Variants in SYNE1 observed in about 807,000 individuals in gnomAD.
SYNE1 encodes nesprin-1.
A neutral mutation model predicts 1,111.0 loss-of-function variants in SYNE1; 616 were observed. That is an observed-to-expected ratio of 0.55 (90% confidence interval 0.52 to 0.59). The LOEUF (loss-of-function observed/expected upper bound fraction) is 0.59. Ranked by LOEUF, SYNE1 falls within the 20% of genes least tolerant of loss-of-function variation. SYNE1 has a pLI of 0.00. For synonymous variants in SYNE1, 3,855 were observed against 3,825.8 expected (o/e 1.01, Z -0.28); for missense variants, 10,006 against 10,417.0 (o/e 0.96, Z 1.72).
chr6:152,213,349 C>G (rs1175583841), intron 123 of SYNE1, among the ~76,000 whole-genome samples: 1 of 152,104 alleles, frequency 6.6e-6, no homozygotes, highest in Non-Finnish European at 1.5e-5. Flanking sequence ...GAGTAAGTAG[C>G]CTTTAACCAC....
chr6:152,245,262 G>C (rs2153574993), intron 105 of SYNE1, among the ~76,000 whole-genome samples: 1 of 152,352 alleles, frequency 6.6e-6, no homozygotes, highest in Middle Eastern at 3.4e-3. Context: ...CTGATGGTCT[G>C]GTTAGGAAGC....
At position 152,318,862 on chromosome 6, in the gene SYNE1, C is replaced by A. The variant is rs2153903151; in HGVS notation, c.16389+1G>T. On this transcript the variant is annotated splice_donor_variant, in intron 85 of 145. Coordinates refer to ENST00000367255, the MANE Select transcript of SYNE1 (RefSeq NM_182961.4). LOFTEE classifies it high-confidence loss of function. ...GTACCCTTTAAAATTCTACTTCTTA[C>A]CTTTTGGTCAGTTTTAGCTTGAACT... is the stretch of plus-strand genomic sequence containing the variant. The A allele has an allele frequency of 6.2e-7, 1 of 1,614,058 alleles. No individual in the cohort carries two copies. Among genetic ancestry groups the A allele is most frequent in the African/African-American group, 1.3e-5 (1 of 75,040 alleles).
intron 77 of SYNE1, among the ~76,000 whole-genome samples, chr6:152,333,740 C>A (rs1393362287): frequency 2.0e-5 from 3 of 152,120 alleles, no homozygotes; most frequent in African/African-American, 7.2e-5. Flanking sequence ...TCAATTGATT[C>A]TCCTGCCTCA....
At position 152,273,096 on chromosome 6, in the gene SYNE1, A is replaced by G. The variant is rs150541347; in HGVS notation, c.18574-3810T>C. On this transcript the variant is annotated intron_variant, in intron 98 of 145. Coordinates refer to ENST00000367255, the MANE Select transcript of SYNE1 (RefSeq NM_182961.4). ...TATAGATAGTTTAAAAATAAACAGTAACCAATTTCCATGTAGTAAAACACT... is the reference window on the plus strand; with the variant it reads ...TATAGATAGTTTAAAAATAAACAGTGACCAATTTCCATGTAGTAAAACACT... Among the ~76,000 whole-genome samples, 83 of 152,308 alleles carry G rather than the reference A, an allele frequency of 5.4e-4. 1 individual carries two copies. In the East Asian group the frequency reaches 0.015, roughly 27 times the overall value.
At chr6:152,294,917 T>C (rs1337192142) in intron 93 of SYNE1, among the ~76,000 whole-genome samples, 1 of 147,742 alleles carries the variant, frequency 6.8e-6, no homozygotes, top group African/African-American at 2.4e-5. Context: ...AGAAATTTAA[T>C]TGGGGGAGTA....
chr6:152,134,891 T>A (rs928416194), intron 142 of SYNE1: 13 of 572,516 alleles, frequency 2.3e-5, no homozygotes, highest in Non-Finnish European at 3.9e-5. Flanking sequence ...AACTTTAGAA[T>A]CAGATTCTAA....
Position 152,338,416 on chromosome 6 carries a change from G to A in SYNE1, c.12351+825C>T, listed in dbSNP as rs148934490. On this transcript the variant is annotated intron_variant, in intron 75 of 145. Transcript: ENST00000367255. ...GAGGGAGGATTGCTTGAGCCCAGGA[G>A]TTCGAGACCAGCCTGGGAAACACAG... Among the ~76,000 whole-genome samples, 963 of 152,120 alleles carry A rather than the reference G, an allele frequency of 6.3e-3. 11 individuals carry two copies. Among genetic ancestry groups the A allele is most frequent in the African/African-American group, 0.022 (911 of 41,476 alleles).
At chr6:152,231,941 A>G (rs1189267877) in intron 113 of SYNE1, among the ~76,000 whole-genome samples, 175 bp downstream of exon 113, 1 of 152,022 alleles carries the variant, frequency 6.6e-6, no homozygotes, top group Non-Finnish European at 1.5e-5. Flanking sequence ...AGTACTGGAT[A>G]TTTCTTCTTA....
intron 127 of SYNE1, among the ~76,000 whole-genome samples, chr6:152,196,837 C>T (rs2074250817): frequency 6.6e-6 from 1 of 152,094 alleles, no homozygotes; most frequent in South Asian, 2.1e-4. Context: ...CCCAGTACTG[C>T]ACTAGGACCC....
intron 93 of SYNE1, among the ~76,000 whole-genome samples, chr6:152,299,851 G>A (rs2095080186): frequency 6.6e-6 from 1 of 151,772 alleles, no homozygotes; most frequent in Non-Finnish European, 1.5e-5. Flanking sequence ...CAACTTCTTT[G>A]AAAAAATGTA....
chr6:152,427,610 T>G (rs770305092), intron 38 of SYNE1, 83 bp downstream of exon 38: 2 of 1,517,052 alleles, frequency 1.3e-6, no homozygotes, highest in South Asian at 2.3e-5. Flanking sequence ...GAGGTACAAG[T>G]TTATTTATTT....
chr6:152,425,278 G>C, intron 39 of SYNE1, 103 bp downstream of exon 39: 1 of 1,263,064 alleles, frequency 7.9e-7, no homozygotes, highest in Non-Finnish European at 1.1e-6. Flanking sequence ...CAGGTGAGTA[G>C]TTGAGTTAAA....
intron 103 of SYNE1, 88 bp downstream of exon 103, chr6:152,255,503 T>C: frequency 1.4e-6 from 2 of 1,444,882 alleles, no homozygotes; most frequent in Non-Finnish European, 9.7e-7. Flanking sequence ...TATGTTTGAC[T>C]TTCTTTATGC....
chr6:152,201,162 T>G (rs892838340), intron 127 of SYNE1, among the ~76,000 whole-genome samples: 3 of 152,198 alleles, frequency 2.0e-5, no homozygotes, highest in African/African-American at 7.2e-5. Context: ...AGCAAAGAAC[T>G]GCTGTTTGGA....
At chr6:152,473,680 G>A (rs1319219091) in intron 14 of SYNE1, among the ~76,000 whole-genome samples, 1 of 152,154 alleles carries the variant, frequency 6.6e-6, no homozygotes, top group Non-Finnish European at 1.5e-5. Flanking sequence ...AGCTATTGAT[G>A]ATGAGTATTC....
At position 152,413,540 on chromosome 6, in the gene SYNE1, T is replaced by C; in HGVS notation, c.6051-9A>G. On this transcript the variant is annotated splice_polypyrimidine_tract_variant and intron_variant, in intron 41 of 145. Transcript: ENST00000367255. ...GATTAAACACTCTTAACCTGTGAAT[T>C]AAAATGTTATTTTCCTATTAATTTA... 1.2e-6 allele frequency: 2 copies of C among 1,613,348 alleles called. No individual in the cohort carries two copies. The highest frequency in any genetic ancestry group is 1.7e-6 in the Non-Finnish European group (2 of 1,179,312).
At chr6:152,526,017 C>T in intron 5 of SYNE1, 63 bp downstream of exon 5, 1 of 1,496,590 alleles carries the variant, frequency 6.7e-7, no homozygotes, top group Non-Finnish European at 9.3e-7. Context: ...CTCTCAACTC[C>T]ATAGTCCCCA....
intron 52 of SYNE1, 147 bp from the exon 53 acceptor site, chr6:152,390,599 T>C (rs1244221826): frequency 4.1e-6 from 3 of 727,604 alleles, no homozygotes; most frequent in Non-Finnish European, 4.5e-6. Context: ...TATTGCAATA[T>C]AATATTGACT....
intron 62 of SYNE1, among the ~76,000 whole-genome samples, chr6:152,365,594 G>A (rs941246277): frequency 6.6e-6 from 1 of 151,744 alleles, no homozygotes; most frequent in African/African-American, 2.4e-5. Flanking sequence ...TTGGTAGCTG[G>A]GACTACAGGC....
Sources: gnomAD v4.1 joint callset for allele counts (sites outside exome capture counted in the v4.1 genomes callset) on GRCh38, gnomAD v4.1.1 for gene constraint, MANE v1.5 for transcripts, NCBI Gene and HGNC (gene_info 2026-07-23, HGNC 2026-07-21) for gene names.